Variants in TTC27 observed in about 807,000 individuals in gnomAD.
TTC27 encodes tetratricopeptide repeat protein 27.
A neutral mutation model predicts 115.9 loss-of-function variants in TTC27; 79 were observed. That is an observed-to-expected ratio of 0.68 (90% CI 0.57 to 0.82). TTC27 has a LOEUF of 0.82. TTC27 is among the 40% of genes least tolerant of loss of function. TTC27 has a pLI of 0.00. For missense variants in TTC27, 1,054 were observed against 993.1 expected (o/e 1.06, Z -0.82); for synonymous variants, 401 against 356.0 (o/e 1.13, Z -1.42).
At chr2:32,664,813 C>T (rs1665705859) in intron 6 of TTC27, among the ~76,000 whole-genome samples, 1 of 151,554 alleles carries the variant, frequency 6.6e-6, no homozygotes, top group East Asian at 1.9e-4. Context: ...CTTGTAAATA[C>T]CCACCTATTC....
At chr2:32,706,816 G>T (rs939287643) in intron 10 of TTC27, among the ~76,000 whole-genome samples, 2 of 152,074 alleles carry the variant, frequency 1.3e-5, no homozygotes, top group Non-Finnish European at 2.9e-5. Context: ...CACCTGCCTC[G>T]ACCTCTCAAA....
At chr2:32,794,672 TA>T (rs1670640913) in intron 16 of TTC27, among the ~76,000 whole-genome samples, 2 of 151,608 alleles carry the variant, frequency 1.3e-5, no homozygotes, top group Admixed American at 1.3e-4. Context: ...AAAAGATTAA[TA>T]AAATGGACAA....
chr2:32,776,318 T>G (rs936742099), intron 13 of TTC27, among the ~76,000 whole-genome samples: 1 of 152,208 alleles, frequency 6.6e-6, no homozygotes, highest in Non-Finnish European at 1.5e-5. Flanking sequence ...GCTAGCCACA[T>G]GGAACAAGTT....
At chr2:32,767,453 G>GTT (rs397754905) in intron 13 of TTC27, among the ~76,000 whole-genome samples, 5,658 of 114,164 alleles carry the variant, frequency 0.05, 557 homozygotes, top group East Asian at 0.098. Flanking sequence ...GTTTTTTTTT[G>GTT]TTTTTTTTTT....
chr2:32,815,323 G>A (rs1309540042), intron 18 of TTC27, among the ~76,000 whole-genome samples: 20 of 129,480 alleles, frequency 1.5e-4, no homozygotes, highest in Non-Finnish European at 2.8e-4. Context: ...TGCAAGCTTC[G>A]CCTCCCAGGT....
At chr2:32,760,775 C>A (rs144551613) in intron 13 of TTC27, among the ~76,000 whole-genome samples, 3 of 152,196 alleles carry the variant, frequency 2.0e-5, no homozygotes, top group Admixed American at 6.5e-5. Flanking sequence ...CTGCCACAAT[C>A]GCAGTTAAAT....
intron 10 of TTC27, among the ~76,000 whole-genome samples, chr2:32,708,870 A>G (rs1667477000): frequency 6.6e-6 from 1 of 152,180 alleles, no homozygotes; most frequent in South Asian, 2.1e-4. Context: ...TGTTGGGTAT[A>G]TAATACATAT....
chr2:32,725,150 C>G (rs1221713020), intron 10 of TTC27, among the ~76,000 whole-genome samples: 1 of 152,164 alleles, frequency 6.6e-6, no homozygotes. Flanking sequence ...AGTGGGGACA[C>G]AGACAAACCG....
At chr2:32,727,626 T>A (rs1438420992) in intron 10 of TTC27, among the ~76,000 whole-genome samples, 1 of 152,170 alleles carries the variant, frequency 6.6e-6, no homozygotes, top group South Asian at 2.1e-4. Flanking sequence ...AAATATTATA[T>A]TGCAACAGAT....
At position 32,728,197 on chromosome 2, in the gene TTC27, C is replaced by T. The variant is rs60974452; in HGVS notation, c.1234-5631C>T. 2.5e-3 allele frequency among the ~76,000 whole-genome samples: 379 copies of T among 152,136 alleles called. 1 individual carries two copies. Among genetic ancestry groups the T allele is most frequent in the African/African-American group, 8.6e-3 (356 of 41,516 alleles). ...CTGGGACTGCAGGTGCCCACCACCA[C>T]GCCCGGCTAATTTTTTTGTATTTTT... On this transcript the variant is annotated intron_variant, in intron 10 of 19. Coordinates refer to ENST00000317907, the MANE Select transcript of TTC27 (RefSeq NM_017735.5).
At chr2:32,790,420 A>G (rs1022281460) in intron 16 of TTC27, among the ~76,000 whole-genome samples, 1 of 152,036 alleles carries the variant, frequency 6.6e-6, no homozygotes, top group Admixed American at 6.6e-5. Flanking sequence ...TTGTTTATCC[A>G]TTTTATAATT....
chr2:32,679,276 C>T (rs1262676419), intron 9 of TTC27, among the ~76,000 whole-genome samples: 1 of 152,186 alleles, frequency 6.6e-6, no homozygotes, highest in Non-Finnish European at 1.5e-5. Context: ...CTGGATTGGA[C>T]AATTAGGAGT....
chr2:32,782,547 A>G (rs1324362099), intron 14 of TTC27, 79 bp from the exon 15 acceptor site: 2 of 1,225,442 alleles, frequency 1.6e-6, no homozygotes, highest in Non-Finnish European at 2.4e-6. Flanking sequence ...GGACTAGGAG[A>G]GTGTGTTGTA....
chr2:32,780,058 G>A (rs771131298), intron 14 of TTC27: 2 of 465,066 alleles, frequency 4.3e-6, no homozygotes, highest in Non-Finnish European at 9.0e-6. Context: ...CTATAGGTCT[G>A]TGCATATTCC....
intron 9 of TTC27, among the ~76,000 whole-genome samples, chr2:32,698,974 A>T (rs570401981): frequency 1.4e-4 from 21 of 152,280 alleles, no homozygotes; most frequent in African/African-American, 4.3e-4. Context: ...GAATGCCCCA[A>T]AAAAGAATCT....
In TTC27 at chr2:32,716,300, T is replaced by C. The variant is rs1019557108; in HGVS notation, c.1233+13380T>C. 2.5e-4 allele frequency among the ~76,000 whole-genome samples: 38 copies of C among 152,234 alleles called. 1 individual carries two copies. The highest frequency in any genetic ancestry group is 8.7e-4 in the African/African-American group (36 of 41,456). ...GCTACAACTTATTTAACCAATCCTT[T>C]ATTTTTTAAAGTGTCCTTTAATTAA... On this transcript the variant is annotated intron_variant, in intron 10 of 19. Coordinates refer to ENST00000317907, the MANE Select transcript of TTC27 (RefSeq NM_017735.5).
chr2:32,754,679 C>G (rs59146030), intron 12 of TTC27, among the ~76,000 whole-genome samples: 122,642 of 150,288 alleles, frequency 0.82, 50,115 homozygotes, highest in Middle Eastern at 0.9. Context: ...CAGACGGGGT[C>G]GTGGCCGGGC....
chr2:32,777,336 C>T (rs1317375320), intron 13 of TTC27, among the ~76,000 whole-genome samples: 1 of 152,256 alleles, frequency 6.6e-6, no homozygotes, highest in African/African-American at 2.4e-5. Context: ...CCGCCCCCAA[C>T]CCCAATACCA....
intron 14 of TTC27, 73 bp from the exon 15 acceptor site, chr2:32,782,553 T>G (rs1670216304): frequency 1.5e-6 from 2 of 1,344,142 alleles, no homozygotes; most frequent in Admixed American, 3.5e-5. Context: ...GGAGAGTGTG[T>G]TGTACTTTTG....
Sources: gnomAD v4.1 joint callset for allele counts (sites outside exome capture counted in the v4.1 genomes callset) on GRCh38, gnomAD v4.1.1 for gene constraint, MANE v1.5 for transcripts, NCBI Gene and HGNC (gene_info 2026-07-23, HGNC 2026-07-21) for gene names.